Variants in MAP2 observed in about 807,000 individuals in gnomAD.
MAP2 encodes the protein microtubule-associated protein 2.
Under a neutral mutation model 137.6 loss-of-function variants are expected in MAP2, and 14 were observed. The ratio of observed to expected loss-of-function variants is 0.10; its 90% CI spans 0.07 to 0.16. The LOEUF is 0.16. Ranked by LOEUF, MAP2 falls within the 10% of genes least tolerant of loss-of-function variation. MAP2 has a pLI of 1.00. For synonymous variants in MAP2, 786 were observed against 782.3 expected (o/e 1.00, Z -0.08); for missense variants, 2,088 against 2,191.5 (o/e 0.95, Z 0.94).
rs929802993 is a variant in MAP2, at chr2:209,652,476, C to CT, written c.-29-657dup. ...AATTAAGTTAAAGCTATCTTTCTTT[C>CT]TTTTTTTTTATTATACTTTAAGTTT... On this transcript the variant is annotated intron_variant, in intron 4 of 15. Coordinates refer to ENST00000682079, the MANE Select transcript of MAP2 (RefSeq NM_001375505.1). Among the ~76,000 whole-genome samples the CT allele has an allele frequency of 6.6e-3, 1,002 of 151,536 alleles. 9 individuals carry two copies. The highest frequency in any genetic ancestry group is 0.022 in the African/African-American group (929 of 41,386).
chr2:209,600,019 T>C (rs545166139), intron 3 of MAP2, among the ~76,000 whole-genome samples: 1 of 152,362 alleles, frequency 6.6e-6, no homozygotes, highest in East Asian at 1.9e-4. Context: ...CAGTTCTTTC[T>C]TGATGTTGTT....
At chr2:209,717,428 C>T (rs1246901660) in intron 13 of MAP2, among the ~76,000 whole-genome samples, 1 of 152,148 alleles carries the variant, frequency 6.6e-6, no homozygotes, top group Non-Finnish European at 1.5e-5. Context: ...TCCAATTCAA[C>T]CTGAGATTTG....
At chr2:209,482,578 G>T (rs555492988) in intron 1 of MAP2, among the ~76,000 whole-genome samples, 8 of 152,114 alleles carry the variant, frequency 5.3e-5, no homozygotes, top group Non-Finnish European at 1.2e-4. Flanking sequence ...ACTGAATGAA[G>T]AATTAAACCT....
At chr2:209,608,769 T>A (rs2085700737) in intron 3 of MAP2, among the ~76,000 whole-genome samples, 1 of 152,162 alleles carries the variant, frequency 6.6e-6, no homozygotes, top group African/African-American at 2.4e-5. Context: ...CCATCCCCTC[T>A]GTTATATGAC....
At position 209,580,854 on chromosome 2, in the gene MAP2, G is replaced by A. The variant is rs573359541; in HGVS notation, c.-107+754G>A. 2.0e-3 allele frequency among the ~76,000 whole-genome samples: 302 copies of A among 152,128 alleles called. 3 individuals are homozygous for A. Among genetic ancestry groups the A allele is most frequent in the Middle Eastern group, 0.01 (3 of 294 alleles). Reference sequence around the variant, plus strand: ...TGGATATTACCTTTTCTTTAAGACCGTCTTTAACTTTAATACCTGTTAATA... The same window carrying A: ...TGGATATTACCTTTTCTTTAAGACCATCTTTAACTTTAATACCTGTTAATA... On this transcript the variant is annotated intron_variant, in intron 3 of 15. Transcript: ENST00000682079.
Position 209,710,131 on chromosome 2 carries a change from T to C in MAP2, c.4950T>C (p.Pro1650=), listed in dbSNP as rs1402409282. 6.2e-7 allele frequency: 1 copy of C among 1,613,738 alleles called. No homozygotes were observed. The highest frequency in any genetic ancestry group is 1.1e-5 in the South Asian group (1 of 91,062). Residue 1650 remains proline (P), a synonymous_variant, in exon 13 of 16, where the codon CCT becomes CCC. Transcript: ENST00000682079. ...AGAAGGTCGCCATCATACGTACTCC[T>C]CCAAAATCTCCTGCGACTCCCAAGC... ...SEKKVAIIRT[P]PKSPATPKQL... is the part of the protein sequence containing the mutation.
intron 2 of MAP2, among the ~76,000 whole-genome samples, chr2:209,518,015 T>A (rs548759780): frequency 1.5e-3 from 221 of 152,150 alleles, no homozygotes; most frequent in Non-Finnish European, 2.4e-3. Context: ...AATTTGTACA[T>A]GATAATATTT....
rs773895821 is a variant in MAP2 at position 209,693,089 on chromosome 2, A to G, written c.919A>G (p.Lys307Glu). ...VFDDIPKWEG[K>E]QFDSPMPSPF... ...TGATGATATCCCAAAATGGGAAGGG[A>G]AACAGTTTGATTCTCCCATGCCAAG... Residue 307 changes from lysine to glutamate, a missense_variant, in exon 8 of 16, where the codon AAA becomes GAA. Physicochemically the swap from Lys to Glu is moderately conservative, Grantham distance 56. Transcript: ENST00000682079. 3 of 1,613,420 alleles carry G rather than the reference A, an allele frequency of 1.9e-6. No homozygotes were observed. In the South Asian group the frequency reaches 3.3e-5, roughly 18 times the overall value.
At chr2:209,555,208 T>G (rs1012926205) in intron 2 of MAP2, among the ~76,000 whole-genome samples, 1 of 152,184 alleles carries the variant, frequency 6.6e-6, no homozygotes, top group Non-Finnish European at 1.5e-5. Context: ...TTTGTATGTT[T>G]GCTTCTATTT....
intron 1 of MAP2, among the ~76,000 whole-genome samples, chr2:209,484,131 T>C (rs1055948426): frequency 2.6e-5 from 4 of 152,282 alleles, no homozygotes; most frequent in East Asian, 1.9e-4. Context: ...AAGAACAATA[T>C]AAAGAAAATG....
At chr2:209,439,335 A>G (rs1697175568) in intron 1 of MAP2, among the ~76,000 whole-genome samples, 1 of 151,616 alleles carries the variant, frequency 6.6e-6, no homozygotes, top group South Asian at 2.1e-4. Context: ...ACTTCTTTGA[A>G]CAAGATGCCT....
At chr2:209,637,163 C>G (rs2093637398) in intron 4 of MAP2, among the ~76,000 whole-genome samples, 1 of 152,098 alleles carries the variant, frequency 6.6e-6, no homozygotes, top group Admixed American at 6.6e-5. Flanking sequence ...GCAGTTCTGG[C>G]CGGGTGTGGT....
intron 6 of MAP2, among the ~76,000 whole-genome samples, chr2:209,680,541 A>T (rs186158666): frequency 2.6e-5 from 4 of 151,798 alleles, no homozygotes; most frequent in African/African-American, 9.7e-5. Flanking sequence ...TTTTTTTTTG[A>T]AAATATCAAA....
rs1450146681 is a variant in MAP2 at position 209,624,274 on chromosome 2, A to T, written c.-106-779A>T. ...AATCACACAGGTCCTGACAAAACGC[A>T]TGGAGATACATAGATTTAGATACCT... On this transcript the variant is annotated intron_variant, in intron 3 of 15. Coordinates refer to ENST00000682079, the MANE Select transcript of MAP2 (RefSeq NM_001375505.1). Among the ~76,000 whole-genome samples the T allele has an allele frequency of 6.6e-5, 10 of 152,164 alleles. No homozygotes were observed. The East Asian group carries it at 1.9e-3, about 29-fold the overall frequency.
intron 1 of MAP2, among the ~76,000 whole-genome samples, chr2:209,433,538 A>C (rs1405626242): frequency 1.3e-5 from 2 of 152,098 alleles, no homozygotes; most frequent in Non-Finnish European, 2.9e-5. Context: ...CTTGCACTGC[A>C]CTGTAATTTT....
chr2:209,625,793 CTTT>C (rs1014855804), intron 4 of MAP2, among the ~76,000 whole-genome samples: 53 of 152,094 alleles, frequency 3.5e-4, no homozygotes, highest in Non-Finnish European at 1.5e-4. Flanking sequence ...AGCAGATAAA[CTTT>C]TATGTTTGCA....
At chr2:209,521,844 C>T (rs576439314) in intron 2 of MAP2, among the ~76,000 whole-genome samples, 6 of 152,152 alleles carry the variant, frequency 3.9e-5, no homozygotes, top group Admixed American at 3.9e-4. Context: ...TACTAAAGCT[C>T]CTATGGTATT....
chr2:209,424,585 C>T (rs539465432), intron 1 of MAP2, among the ~76,000 whole-genome samples: 2 of 152,274 alleles, frequency 1.3e-5, no homozygotes, highest in East Asian at 1.9e-4. Flanking sequence ...GGTTAGAATA[C>T]GTGTATCGAA....
chr2:209,671,010 G>A (rs1474554691), intron 5 of MAP2, among the ~76,000 whole-genome samples: 3 of 151,888 alleles, frequency 2.0e-5, no homozygotes, highest in African/African-American at 7.2e-5. Context: ...TGAATTTTGT[G>A]CCATCATAAT....
Sources: allele counts gnomAD v4.1 joint callset (sites outside exome capture counted in the v4.1 genomes callset), GRCh38; gene constraint gnomAD v4.1.1; transcripts MANE v1.5; gene names NCBI Gene and HGNC (gene_info 2026-07-23, HGNC 2026-07-21).